The following NLRP13 variants were observed in gnomAD, a reference collection of about 807,000 sequenced individuals.
The protein encoded by NLRP13 is NACHT, LRR and PYD domains-containing protein 13.
A neutral mutation model predicts 94.4 loss-of-function variants in NLRP13; 82 were observed. That is an observed-to-expected ratio of 0.87 (90% CI 0.73 to 1.04). NLRP13 has a LOEUF of 1.04. NLRP13 is among the 50% of genes least tolerant of loss of function. The pLI is 0.00. For synonymous variants in NLRP13, 553 were observed against 464.7 expected, an observed-to-expected ratio of 1.19 and a Z score of -2.45; for missense variants, 1,426 against 1,230.8, an observed-to-expected ratio of 1.16 and a Z score of -2.37.
At chr19:55,905,213 G>T in intron 7 of NLRP13, 101 bp from the exon 8 acceptor site, 2 of 1,249,146 alleles carry the variant, frequency 1.6e-6, no homozygotes, top group Non-Finnish European at 2.2e-6. Context: ...AACATTATGG[G>T]AAGATTAAAT....
intron 6 of NLRP13, among the ~76,000 whole-genome samples, chr19:55,908,338 CCTTAT>C (rs893021037): frequency 3.3e-5 from 5 of 152,124 alleles, no homozygotes; most frequent in Admixed American, 6.5e-5. Flanking sequence ...ACTTCTTTCT[CCTTAT>C]CTTGAGAACT....
chr19:55,923,244 C>T (rs1986880412), intron 4 of NLRP13, among the ~76,000 whole-genome samples: 1 of 152,104 alleles, frequency 6.6e-6, no homozygotes, highest in Non-Finnish European at 1.5e-5. Context: ...CAGAGAATCC[C>T]GTTTATAGTA....
Position 55,912,327 on chromosome 19 carries a change from G to A in NLRP13, c.1490C>T (p.Thr497Met), listed in dbSNP as rs766502530. ...GATCTCAGTGTCTTCTTTGTTAAAC[G>A]TGAAGTTCATAGACCACAGCCCTTC... is the stretch of plus-strand genomic sequence containing the variant. ...AIEGLWSMNFTFNKEDTEIEG... is the reference protein window; with the variant it reads ...AIEGLWSMNFMFNKEDTEIEG... Residue 497 changes from threonine to methionine, a missense_variant, in exon 5 of 11, where the codon ACG (threonine) becomes ATG (methionine). Physicochemically the swap from Thr to Met is moderately conservative, Grantham distance 81. Coordinates refer to ENST00000342929, the MANE Select transcript of NLRP13 (RefSeq NM_176810.2). The A allele has an allele frequency of 5.0e-6, 8 of 1,613,958 alleles. No homozygotes were observed. The highest frequency in any genetic ancestry group is 1.1e-5 in the South Asian group (1 of 91,082).
chr19:55,912,215 G>A lies in NLRP13; in HGVS notation c.1602C>T (p.Phe534=). The stretch of plus-strand genomic sequence containing the variant: ...AAAACTCCTGGAAACTTAGGTGGGT[G>A]AAAGTAGTGCAACCCCCACAGTCAT... ...KINDCGGCTT[F]THLSFQEFFA... is the part of the protein sequence containing the mutation. The change falls in exon 5 of 11, where the codon TTC becomes TTT. Residue 534 remains phenylalanine, a synonymous_variant. Coordinates refer to ENST00000342929, the MANE Select transcript of NLRP13 (RefSeq NM_176810.2). 6.2e-7 allele frequency: 1 copy of A among 1,614,178 alleles called. No individual in the cohort carries two copies. Among genetic ancestry groups the A allele is most frequent in the South Asian group, 1.1e-5 (1 of 91,082 alleles).
rs755545921 is a variant in NLRP13 at position 55,912,005 on chromosome 19, C to T, written c.1812G>A (p.Leu604=). 1 of 1,614,102 alleles carries T rather than the reference C, an allele frequency of 6.2e-7. No individual in the cohort carries two copies. The highest frequency in any genetic ancestry group is 8.5e-7 in the Non-Finnish European group (1 of 1,179,958). The change falls in exon 5 of 11, where the codon TTG becomes TTA. Residue 604 remains leucine, a synonymous_variant. Transcript: ENST00000342929. The part of the protein sequence containing the change: ...KNIARELEDT[L]HCKISPRVME... ...TTACCCTGGGAGATATTTTACAATG[C>T]AAAGTATCTTCCAGTTCTCTTGCTA...
At chr19:55,930,983 C>T (rs551194398) in intron 1 of NLRP13, among the ~76,000 whole-genome samples, 5 of 150,744 alleles carry the variant, frequency 3.3e-5, no homozygotes, top group Admixed American at 6.6e-5. Context: ...AAACACTGCA[C>T]GATCCTACAA....
intron 9 of NLRP13, among the ~76,000 whole-genome samples, chr19:55,901,544 C>T (rs1360843571): frequency 6.6e-6 from 1 of 151,710 alleles, no homozygotes; most frequent in Non-Finnish European, 1.5e-5. Flanking sequence ...TGCCTGGGCA[C>T]GTAGTAAAGG....
At chr19:55,915,180 C>T (rs1276806780) in intron 4 of NLRP13, among the ~76,000 whole-genome samples, 2 of 152,120 alleles carry the variant, frequency 1.3e-5, no homozygotes, top group East Asian at 3.9e-4. Flanking sequence ...TATAGTTCAA[C>T]ACTTCAGAAA....
Position 55,905,078 on chromosome 19 carries a change from G to A in NLRP13, c.2482C>T (p.Gln828Ter), listed in dbSNP as rs1222599914. 2 of 1,613,868 alleles carry A rather than the reference G, an allele frequency of 1.2e-6. No individual in the cohort carries two copies. Among genetic ancestry groups the A allele is most frequent in the East Asian group, 4.5e-5 (2 of 44,864 alleles). Residue 828 changes from glutamine (Q) to a stop codon, truncating the protein, a stop_gained, in exon 8 of 11, where the codon CAG becomes TAG. Coordinates refer to ENST00000342929, the MANE Select transcript of NLRP13 (RefSeq NM_176810.2). LOFTEE classifies it high-confidence loss of function. Reference protein sequence around the residue: ...EKCNLSAASCQDLALFLTSIQ... With the variant: ...EKCNLSAASC ...CTGGTGAGAAACAAGGCTAGGTCCT[G>A]ACAGCTGGCTGCCGACAAGTTGCAT...
downstream of NLRP13, chr19:55,891,824 G>A (rs1985857223): frequency 2.7e-6 from 1 of 363,910 alleles, no homozygotes; most frequent in South Asian, 1.5e-4. Flanking sequence ...TATTACACTA[G>A]GATTCCAGAC....
chr19:55,892,412 TACAC>T (rs1166144854), downstream of NLRP13, among the ~76,000 whole-genome samples: 1 of 151,792 alleles, frequency 6.6e-6, no homozygotes, highest in Admixed American at 6.6e-5. Context: ...TTCATATACA[TACAC>T]ACATACACAT....
downstream of NLRP13, among the ~76,000 whole-genome samples, chr19:55,892,730 C>T (rs1340333119): frequency 6.6e-6 from 1 of 152,096 alleles, no homozygotes; most frequent in Non-Finnish European, 1.5e-5. Context: ...CTACTGTCAC[C>T]ATCTTTAAAT....
At chr19:55,898,200 G>GTTTTTTTTT (rs149121317) in intron 10 of NLRP13, among the ~76,000 whole-genome samples, 1 of 135,574 alleles carries the variant, frequency 7.4e-6, no homozygotes, top group South Asian at 2.4e-4. Context: ...GAGAGTTTTT[G>GTTTTTTTTT]TTTTTGTTTT....
intron 4 of NLRP13, among the ~76,000 whole-genome samples, chr19:55,914,617 A>G (rs1285413878): frequency 1.3e-5 from 2 of 152,206 alleles, no homozygotes; most frequent in Non-Finnish European, 2.9e-5. Flanking sequence ...TATGAGTTCA[A>G]GATTCTTAGA....
At chr19:55,919,684 A>C (rs934617526) in intron 4 of NLRP13, among the ~76,000 whole-genome samples, 5 of 152,130 alleles carry the variant, frequency 3.3e-5, no homozygotes, top group Non-Finnish European at 2.9e-5. Flanking sequence ...GGAAAACTAC[A>C]AAAAGCTTAA....
chr19:55,925,087 C>A, intron 1 of NLRP13, 52 bp from the exon 2 acceptor site: 6 of 1,522,862 alleles, frequency 3.9e-6, no homozygotes, highest in Non-Finnish European at 5.5e-6. Context: ...TGAAAATGGA[C>A]CAGCAATAAT....
chr19:55,893,777 G>T (rs1055037900), downstream of NLRP13, among the ~76,000 whole-genome samples: 1 of 152,186 alleles, frequency 6.6e-6, no homozygotes, highest in Non-Finnish European at 1.5e-5. Context: ...TCTACAAGAG[G>T]AGGCGAGGGT....
At position 55,912,522 on chromosome 19, in the gene NLRP13, C is replaced by T. The variant is rs771466835; in HGVS notation, c.1295G>A (p.Cys432Tyr). The change falls in exon 5 of 11, where the codon TGT becomes TAT. Residue 432 changes from cysteine to tyrosine, a missense_variant. Coordinates refer to ENST00000342929, the MANE Select transcript of NLRP13 (RefSeq NM_176810.2). ...CSAPMVCWTV[C>Y]SCLKQPKVRY... ...CACCTTCGGCTGCTTCAGACAGGAA[C>T]ATACGGTCCAACACACCATGGGGGC... 1.8e-5 allele frequency: 29 copies of T among 1,614,038 alleles called. No individual in the cohort carries two copies. Among genetic ancestry groups the T allele is most frequent in the Non-Finnish European group, 2.5e-5 (29 of 1,180,012 alleles).
intron 10 of NLRP13, among the ~76,000 whole-genome samples, chr19:55,898,199 TG>T (rs1354003916): frequency 1.0e-3 from 55 of 54,260 alleles, no homozygotes; most frequent in South Asian, 7.4e-3. Context: ...GGAGAGTTTT[TG>T]TTTTTGTTTT....
Sources: gnomAD v4.1 joint callset for allele counts (sites outside exome capture counted in the v4.1 genomes callset) on GRCh38, gnomAD v4.1.1 for gene constraint, MANE v1.5 for transcripts, NCBI Gene and HGNC (gene_info 2026-07-23, HGNC 2026-07-21) for gene names.